ATP9B: variants seen among roughly 807,000 people sequenced by gnomAD.
ATP9B encodes the protein ATPase phospholipid transporting 9B.
ATP9B carries 110 observed loss-of-function variants against 146.1 expected under a neutral mutation model. The observed-to-expected ratio is 0.75, with a 90% CI of 0.65 to 0.88. ATP9B has a LOEUF of 0.88. ATP9B is among the 40% of genes least tolerant of loss of function. ATP9B has a pLI of 0.00. For synonymous variants in ATP9B, 604 were observed against 569.7 expected, an observed-to-expected ratio of 1.06 and a Z score of -0.86; for missense variants, 1,499 against 1,496.4, an observed-to-expected ratio of 1.00 and a Z score of -0.03.
intron 1 of ATP9B, among the ~76,000 whole-genome samples, chr18:79,082,421 C>T (rs632079): frequency 0.13 from 20,109 of 152,120 alleles, 1,916 homozygotes; most frequent in African/African-American, 0.27. Context: ...TGTCAAACTC[C>T]TTCTCTGTCC....
At chr18:79,098,569 G>A (rs28787295) in intron 2 of ATP9B, among the ~76,000 whole-genome samples, 31,546 of 151,316 alleles carry the variant, frequency 0.21, 3,664 homozygotes, top group East Asian at 0.5. Flanking sequence ...AAAAGTGGGC[G>A]AAGGACATGA....
intron 23 of ATP9B, among the ~76,000 whole-genome samples, chr18:79,346,871 A>T (rs2096891911): frequency 6.6e-6 from 1 of 152,244 alleles, no homozygotes. Context: ...CCGGGCACTG[A>T]ACTGTACATT....
At chr18:79,134,003 A>G (rs2094416689) in intron 5 of ATP9B, among the ~76,000 whole-genome samples, 1 of 152,212 alleles carries the variant, frequency 6.6e-6, no homozygotes, top group Non-Finnish European at 1.5e-5. Context: ...CTTTCAAAGT[A>G]AAAAGTATTT....
intron 12 of ATP9B, among the ~76,000 whole-genome samples, chr18:79,271,102 G>T (rs1482401755): frequency 6.6e-6 from 1 of 152,066 alleles, no homozygotes; most frequent in Non-Finnish European, 1.5e-5. Context: ...CTGGTACTCA[G>T]CTTACTCTTC....
intron 26 of ATP9B, chr18:79,361,545 GCAGT>G (rs2096988857): frequency 6.6e-6 from 1 of 150,584 alleles, no homozygotes; most frequent in East Asian, 1.9e-4. Flanking sequence ...GGTCAAGAAT[GCAGT>G]CACTCATTTT....
At chr18:79,099,679 T>G (rs1026987416) in intron 2 of ATP9B, among the ~76,000 whole-genome samples, 1 of 152,158 alleles carries the variant, frequency 6.6e-6, no homozygotes, top group African/African-American at 2.4e-5. Flanking sequence ...TTGCCCAGGC[T>G]GGTCTTGAAC....
chr18:79,193,241 G>GTT lies in ATP9B; in HGVS notation c.934_935dup (p.Glu313SerfsTer20). 6.2e-7 allele frequency: 1 copy of GTT among 1,611,028 alleles called. No homozygotes were observed. Among genetic ancestry groups the GTT allele is most frequent in the Non-Finnish European group, 8.5e-7 (1 of 1,177,372 alleles). On this transcript the variant is annotated frameshift_variant, in exon 9 of 30. Transcript: ENST00000426216. LOFTEE classifies it high-confidence loss of function. ...CAGAAACCACAAATGGACATTCACA[G>GTT]TTTCGAAGGCACATTTACCAGGGTA...
intron 25 of ATP9B, among the ~76,000 whole-genome samples, chr18:79,351,858 G>A (rs117946514): frequency 0.019 from 2,878 of 152,140 alleles, 41 homozygotes; most frequent in Middle Eastern, 0.048. Flanking sequence ...GAGGGGCTGG[G>A]AGAGACAGGA....
At chr18:79,338,283 C>T (rs367957736) in intron 19 of ATP9B, among the ~76,000 whole-genome samples, 1 of 152,230 alleles carries the variant, frequency 6.6e-6, no homozygotes, top group Non-Finnish European at 1.5e-5. Flanking sequence ...CCCAGAGACG[C>T]CTGGACGTAC....
intron 17 of ATP9B, among the ~76,000 whole-genome samples, chr18:79,335,907 C>T (rs2096017158): frequency 6.6e-6 from 1 of 152,188 alleles, no homozygotes; most frequent in African/African-American, 2.4e-5. Flanking sequence ...AGGTTTCCGG[C>T]CCAGCCACCT....
chr18:79,342,212 C>T, intron 19 of ATP9B, 56 bp from the exon 20 acceptor site: 1 of 1,364,282 alleles, frequency 7.3e-7, no homozygotes, highest in Admixed American at 1.7e-5. Flanking sequence ...TGTGAGACAT[C>T]AGAAATGAAC....
rs537031183 is a variant in ATP9B, at chr18:79,330,655, C to T, written c.2028+551C>T. Among the ~76,000 whole-genome samples, 255 of 152,212 alleles carry T rather than the reference C, an allele frequency of 1.7e-3. 4 individuals carry two copies. The highest frequency in any genetic ancestry group is 5.7e-3 in the African/African-American group (237 of 41,538). The stretch of plus-strand genomic sequence containing the variant: ...GTCTCTATCTCCTGACCTCGTGATC[C>T]GCCCGTGTCGGCCTCCCAAAGTGCT... On this transcript the variant is annotated intron_variant, in intron 17 of 29. Coordinates refer to ENST00000426216, the MANE Select transcript of ATP9B (RefSeq NM_198531.5).
At position 79,113,473 on chromosome 18, in the gene ATP9B, A is replaced by G. The variant is rs76927330; in HGVS notation, c.558+119A>G. 5.5e-4 allele frequency: 351 copies of G among 636,686 alleles called. 3 individuals carry two copies. In the East Asian group the frequency reaches 9.2e-3, roughly 17 times the overall value. The allele number at this position is 636,686 out of a possible 1,614,324, so 39.4% of individuals were successfully genotyped here. A position where few individuals can be genotyped will look rare whatever the true frequency, so the allele number is the denominator to read the frequency against. ...TTTAAAACATGGTGTTGTAGTGTTC[A>G]CTGAACTTCTGTTAAAAGATTTTGC... On this transcript the variant is annotated intron_variant, in intron 4 of 29. Transcript: ENST00000426216.
At chr18:79,237,696 G>A (rs572765985) in intron 11 of ATP9B, among the ~76,000 whole-genome samples, 1 of 149,530 alleles carries the variant, frequency 6.7e-6, no homozygotes, top group Non-Finnish European at 1.5e-5. Context: ...TTTTGGGGGG[G>A]GGTGGGGGAA....
chr18:79,360,350 G>A (rs2096980636), intron 26 of ATP9B: 1 of 151,940 alleles, frequency 6.6e-6, no homozygotes, highest in Non-Finnish European at 1.5e-5. Flanking sequence ...TAGCTGTATG[G>A]TAAAGAAAGA....
chr18:79,345,445 C>T lies in ATP9B; in HGVS notation c.2490C>T (p.Tyr830=), dbSNP rs149029539. ...GDSLEVCLKY[Y]EHEFVELACQ... ...TTTTCCAGGTTTGTCTAAAGTACTA[C>T]GAGCATGAATTTGTGGAGCTGGCCT... Residue 830 remains tyrosine (Y), a synonymous_variant, in exon 22 of 30, where the codon TAC becomes TAT. Coordinates refer to ENST00000426216, the MANE Select transcript of ATP9B (RefSeq NM_198531.5). 248 of 1,613,912 alleles carry T rather than the reference C, an allele frequency of 1.5e-4. No homozygotes were observed. The highest frequency in any genetic ancestry group is 1.8e-4 in the Non-Finnish European group (212 of 1,180,038).
chr18:79,081,960 C>T (rs2073310912), intron 1 of ATP9B, among the ~76,000 whole-genome samples: 2 of 152,126 alleles, frequency 1.3e-5, no homozygotes, highest in Admixed American at 6.5e-5. Flanking sequence ...GCCTGTCTTG[C>T]TAGGTTGGGG....
chr18:79,152,898 G>A (rs192945216), intron 6 of ATP9B, among the ~76,000 whole-genome samples: 1 of 152,148 alleles, frequency 6.6e-6, no homozygotes. Context: ...TGGTATAATC[G>A]TCTATCTTGG....
chr18:79,245,515 C>G (rs969353643), intron 11 of ATP9B, among the ~76,000 whole-genome samples: 1 of 152,204 alleles, frequency 6.6e-6, no homozygotes, highest in African/African-American at 2.4e-5. Flanking sequence ...TCTGAAACTT[C>G]GAAAAGCCTT....
Sources: gnomAD v4.1 joint callset for allele counts (sites outside exome capture counted in the v4.1 genomes callset) on GRCh38, gnomAD v4.1.1 for gene constraint, MANE v1.5 for transcripts, NCBI Gene and HGNC (gene_info 2026-07-23, HGNC 2026-07-21) for gene names.